Variants in FABP6 observed in about 807,000 individuals in gnomAD.
The protein encoded by FABP6 is fatty acid binding protein 6.
A neutral mutation model predicts 14.9 loss-of-function variants in FABP6; 13 were observed. The ratio of observed to expected loss-of-function variants is 0.87; its 90% confidence interval spans 0.57 to 1.39. The LOEUF is 1.39. FABP6 is among the 40% of genes most tolerant of loss of function. FABP6 has a pLI of 0.00. For synonymous variants in FABP6, 75 were observed against 63.6 expected, an observed-to-expected ratio of 1.18 and a Z score of -0.85; for missense variants, 161 against 167.2, an observed-to-expected ratio of 0.96 and a Z score of 0.20.
chr5:160,207,792 C>T (rs112955145), intron 2 of FABP6, among the ~76,000 whole-genome samples: 11,196 of 149,642 alleles, frequency 0.075, 661 homozygotes, highest in East Asian at 0.36. Flanking sequence ...GGCATGATCT[C>T]GGCTCACTGC....
chr5:160,224,007 C>T (rs1035224451), intron 3 of FABP6, among the ~76,000 whole-genome samples: 15 of 151,260 alleles, frequency 9.9e-5, no homozygotes, highest in Non-Finnish European at 1.8e-4. Flanking sequence ...GAGGCCGAGG[C>T]GGGCAGATCA....
intron 3 of FABP6, among the ~76,000 whole-genome samples, chr5:160,237,101 T>C (rs552745096): frequency 6.6e-6 from 1 of 152,172 alleles, no homozygotes; most frequent in Non-Finnish European, 1.5e-5. Flanking sequence ...AAGGATCTGA[T>C]GAAAGGGCTT....
chr5:160,224,635 A>G (rs1760202524), upstream of FABP6, among the ~76,000 whole-genome samples: 1 of 152,098 alleles, frequency 6.6e-6, no homozygotes, highest in Non-Finnish European at 1.5e-5. Flanking sequence ...AGGAAATTAA[A>G]ATGCCACTCA....
chr5:160,220,465 C>T (rs966327570), intron 3 of FABP6, among the ~76,000 whole-genome samples: 3 of 151,900 alleles, frequency 2.0e-5, no homozygotes, highest in African/African-American at 4.8e-5. Context: ...AAAAATTAGC[C>T]GTGCGTGGTG....
At chr5:160,227,260 TGTG>T (rs1760268124), upstream of FABP6, among the ~76,000 whole-genome samples, 1 of 152,098 alleles carries the variant, frequency 6.6e-6, no homozygotes, top group East Asian at 1.9e-4. Context: ...AAGGGCTGGG[TGTG>T]GTGGCTCAGG....
intron 3 of FABP6, among the ~76,000 whole-genome samples, chr5:160,218,650 G>T (rs1031167743): frequency 1.3e-5 from 2 of 151,438 alleles, no homozygotes; most frequent in Non-Finnish European, 2.9e-5. Flanking sequence ...TAGTAGAGAC[G>T]GGGTTTCGCC....
chr5:160,197,401 A>C (rs1296805555), intron 1 of FABP6: 1 of 152,286 alleles, frequency 6.6e-6, no homozygotes, highest in African/African-American at 2.4e-5. Context: ...TCACAGTCTT[A>C]ATCCCAGCTC....
At chr5:160,227,976 C>T (rs192621838), upstream of FABP6, among the ~76,000 whole-genome samples, 103 of 151,856 alleles carry the variant, frequency 6.8e-4, no homozygotes, top group African/African-American at 2.3e-3. Flanking sequence ...GTTCAGAGAC[C>T]GCTTAGTCCC....
chr5:160,232,266 C>T lies in FABP6; in HGVS notation c.236C>T (p.Thr79Met), dbSNP rs1130435. Reference sequence around the variant, plus strand: ...AACATACAGACAATGGGGGGCAAGACGTTCAAGGTGAGAGGCCACTGGCTG... The same window carrying T: ...AACATACAGACAATGGGGGGCAAGATGTTCAAGGTGAGAGGCCACTGGCTG... ...ESNIQTMGGKTFKATVQMEGG... is the reference protein window; with the variant it reads ...ESNIQTMGGKMFKATVQMEGG... Residue 79 changes from threonine (T) to methionine (M), a missense_variant, in exon 2 of 4, where the codon ACG becomes ATG. Transcript: ENST00000402432. 0.42 allele frequency: 671,510 copies of T among 1,602,626 alleles called. 142,246 individuals are homozygous for T. Among genetic ancestry groups the T allele is most frequent in the South Asian group, 0.53 (47,468 of 89,558 alleles).
intron 1 of FABP6, among the ~76,000 whole-genome samples, chr5:160,195,195 G>A (rs1320609142): frequency 6.9e-6 from 1 of 145,704 alleles, no homozygotes; most frequent in East Asian, 2.1e-4. Flanking sequence ...TGAGGCCGGA[G>A]AATTGCTTGA....
At chr5:160,205,415 C>T (rs544588411) in intron 2 of FABP6, among the ~76,000 whole-genome samples, 57 of 150,996 alleles carry the variant, frequency 3.8e-4, no homozygotes, top group African/African-American at 1.2e-3. Flanking sequence ...TATAAACAGA[C>T]ATGCCTGCAC....
At chr5:160,200,496 T>C (rs1340553647) in intron 2 of FABP6, among the ~76,000 whole-genome samples, 2 of 151,302 alleles carry the variant, frequency 1.3e-5, no homozygotes, top group African/African-American at 4.9e-5. Flanking sequence ...CACTGCAACA[T>C]CTGCCTCCTG....
intron 2 of FABP6, among the ~76,000 whole-genome samples, chr5:160,206,239 G>A (rs1759761994): frequency 6.6e-6 from 1 of 152,124 alleles, no homozygotes; most frequent in South Asian, 2.1e-4. Flanking sequence ...AGACCAACCT[G>A]GCCAACATGG....
chr5:160,202,561 A>C (rs1281671580), intron 2 of FABP6, among the ~76,000 whole-genome samples: 2 of 152,044 alleles, frequency 1.3e-5, no homozygotes, highest in African/African-American at 4.8e-5. Context: ...CTTTGGGAGG[A>C]CAAGGCAGGC....
chr5:160,224,289 T>A (rs1413536411), intron 3 of FABP6, among the ~76,000 whole-genome samples: 1 of 151,916 alleles, frequency 6.6e-6, no homozygotes, highest in East Asian at 1.9e-4. Flanking sequence ...CTGGGCATGA[T>A]GGTGAATGCC....
chr5:160,224,192 C>T (rs79720809), intron 3 of FABP6, among the ~76,000 whole-genome samples: 11,688 of 151,920 alleles, frequency 0.077, 631 homozygotes, highest in Admixed American at 0.19. Flanking sequence ...ACTGAGATAG[C>T]GCCACTGCAC....
exon 3 of FABP6, chr5:160,213,742 A>G (rs1759945739): frequency 6.2e-7 from 1 of 1,613,832 alleles, no homozygotes; most frequent in African/African-American, 1.3e-5. Context: ...TCAGGTTCTG[A>G]GAGCTGTGTT....
chr5:160,227,556 T>G (rs1760276630), upstream of FABP6, among the ~76,000 whole-genome samples: 2 of 142,592 alleles, frequency 1.4e-5, no homozygotes, highest in African/African-American at 5.2e-5. Flanking sequence ...CATGGTGGCA[T>G]GTACTTGTAG....
exon 3 of FABP6, chr5:160,213,795 A>C: frequency 6.2e-7 from 1 of 1,613,830 alleles, no homozygotes. Context: ...ACCTGCAGAG[A>C]ATGAAACAGA....
Sources: allele counts gnomAD v4.1 joint callset (sites outside exome capture counted in the v4.1 genomes callset), GRCh38; gene constraint gnomAD v4.1.1; transcripts MANE v1.5; gene names NCBI Gene and HGNC (gene_info 2026-07-23, HGNC 2026-07-21).